CALCOCO2: variants seen among roughly 807,000 people sequenced by gnomAD.
The protein encoded by CALCOCO2 is calcium-binding and coiled-coil domain-containing protein 2.
A neutral mutation model predicts 62.5 loss-of-function variants in CALCOCO2; 42 were observed. The observed-to-expected ratio is 0.67, with a 90% CI of 0.53 to 0.87. The LOEUF (loss-of-function observed/expected upper bound fraction) is 0.87. Among genes scored for constraint, CALCOCO2 ranks in the 40% least tolerant of loss-of-function variants. The probability of loss-of-function intolerance (pLI) is 0.00; values close to 1 mark genes in which losing one functional copy is unlikely to be tolerated. For missense variants in CALCOCO2, 456 were observed against 515.0 expected (o/e 0.89, Z 1.11); for synonymous variants, 167 against 173.0 (o/e 0.97, Z 0.27).
intron 9 of CALCOCO2, 119 bp downstream of exon 9, chr17:48,853,131 G>C: frequency 1.5e-6 from 1 of 670,432 alleles, no homozygotes; most frequent in Admixed American, 2.6e-5. Flanking sequence ...ACCTCTAGAT[G>C]TTTTGCTTTC....
intron 10 of CALCOCO2, among the ~76,000 whole-genome samples, chr17:48,858,697 G>C (rs991826789): frequency 2.6e-5 from 4 of 151,680 alleles, no homozygotes; most frequent in Admixed American, 1.3e-4. Context: ...TTTGATTGTG[G>C]GGGGGGGCAG....
intron 2 of CALCOCO2, among the ~76,000 whole-genome samples, chr17:48,844,255 A>G (rs550003137): frequency 3.5e-4 from 53 of 152,276 alleles, no homozygotes; most frequent in African/African-American, 1.2e-3. Flanking sequence ...AGTGGCTATC[A>G]TTGGTTAATG....
At chr17:48,847,725 G>A (rs909965965) in intron 2 of CALCOCO2, 84 of 170,152 alleles carry the variant, frequency 4.9e-4, no homozygotes, top group East Asian at 3.3e-3. Flanking sequence ...GTGCAATCTC[G>A]GCTCACTGCA....
At chr17:48,833,815 G>A (rs1315787501) in intron 1 of CALCOCO2, among the ~76,000 whole-genome samples, 1 of 152,012 alleles carries the variant, frequency 6.6e-6, no homozygotes, top group Non-Finnish European at 1.5e-5. Context: ...TATCAGTGTA[G>A]TTTGCAGATG....
chr17:48,841,412 A>G (rs497270), intron 1 of CALCOCO2, among the ~76,000 whole-genome samples: 24,659 of 152,124 alleles, frequency 0.16, 2,911 homozygotes, highest in East Asian at 0.68. Flanking sequence ...TAAGTCATTT[A>G]GAGAAAGGGG....
intron 1 of CALCOCO2, among the ~76,000 whole-genome samples, chr17:48,832,851 T>C (rs1282330186): frequency 6.6e-6 from 1 of 152,204 alleles, no homozygotes; most frequent in African/African-American, 2.4e-5. Context: ...AGAACTATTT[T>C]TTCCATCTTC....
Position 48,851,599 on chromosome 17 carries a change from A to G in CALCOCO2, c.673A>G (p.Lys225Glu), listed in dbSNP as rs754678830. 13 of 1,603,702 alleles carry G rather than the reference A, an allele frequency of 8.1e-6. No homozygotes were observed. The East Asian group carries it at 2.9e-4, about 36-fold the overall frequency. Residue 225 changes from lysine to glutamate, a missense_variant, in exon 7 of 13, where the codon AAG (lysine) becomes GAG (glutamate). By Grantham distance (56) the Lys-to-Glu change is moderately conservative. Coordinates refer to ENST00000258947, the MANE Select transcript of CALCOCO2 (RefSeq NM_005831.5). ...QNQKMSSENE[K>E]MGIRVDQLQA... ...CCAGAAGATGTCCTCAGAAAATGAG[A>G]AGATGGGAATCAGAGTGGATCAGCT...
intron 9 of CALCOCO2, 36 bp from the exon 10 acceptor site, chr17:48,856,056 T>G: frequency 2.7e-6 from 3 of 1,122,210 alleles, no homozygotes; most frequent in Non-Finnish European, 4.0e-6. Context: ...GACTGCAATA[T>G]GTGATCCTAA....
At chr17:48,849,465 G>T in intron 5 of CALCOCO2, 88 bp downstream of exon 5, 1 of 1,152,354 alleles carries the variant, frequency 8.7e-7, no homozygotes, top group Non-Finnish European at 1.3e-6. Context: ...TGTTTTGCCT[G>T]TGATCTCACC....
intron 9 of CALCOCO2, chr17:48,855,758 G>C (rs2040205894): frequency 6.1e-6 from 1 of 163,352 alleles, no homozygotes; most frequent in South Asian, 2.0e-4. Context: ...ATGGTTAGGT[G>C]GGATTCAACA....
intron 8 of CALCOCO2, 37 bp from the exon 9 acceptor site, chr17:48,852,889 T>C (rs76906433): frequency 0.019 from 28,790 of 1,494,898 alleles, 357 homozygotes; most frequent in Non-Finnish European, 0.023. Context: ...ATGTGTGTGT[T>C]TTCCCAGCAA....
Position 48,840,746 on chromosome 17 carries a change from C to T in CALCOCO2, c.-10-952C>T, listed in dbSNP as rs560348341. ...TTGAACCCGAGAGCATTTTGCACTTCTTATTCGATTCATTTGGCAGTCATT... is the reference window on the plus strand; with the variant it reads ...TTGAACCCGAGAGCATTTTGCACTTTTTATTCGATTCATTTGGCAGTCATT... On this transcript the variant is annotated intron_variant, in intron 1 of 12. Coordinates refer to ENST00000258947, the MANE Select transcript of CALCOCO2 (RefSeq NM_005831.5). 2.6e-5 allele frequency among the ~76,000 whole-genome samples: 4 copies of T among 152,234 alleles called. No individual in the cohort carries two copies. In the Middle Eastern group the frequency reaches 0.01, roughly 388 times the overall value.
At position 48,849,293 on chromosome 17, in the gene CALCOCO2, C is replaced by T. The variant is rs1446737474; in HGVS notation, c.459C>T (p.Cys153=). The T allele has an allele frequency of 3.7e-6, 6 of 1,613,506 alleles. No individual in the cohort carries two copies. The South Asian group carries it at 5.5e-5, about 15-fold the overall frequency. ...TTGAGCAGCACAACAAGGAGCTTTG[C>T]AAAGAAAACCAGGAGCTGAAGGACA... ...EEIEQHNKEL[C]KENQELKDSC... Residue 153 remains cysteine (C), a synonymous_variant, in exon 5 of 13, where the codon TGC becomes TGT. Coordinates refer to ENST00000258947, the MANE Select transcript of CALCOCO2 (RefSeq NM_005831.5).
intron 9 of CALCOCO2, among the ~76,000 whole-genome samples, chr17:48,853,930 T>C (rs766359973): frequency 1.3e-5 from 2 of 152,152 alleles, no homozygotes; most frequent in Non-Finnish European, 2.9e-5. Context: ...TTGCATTCAG[T>C]TCCTTCGTTT....
intron 2 of CALCOCO2, chr17:48,842,160 T>TTG (rs1380435987): frequency 2.0e-5 from 1 of 49,158 alleles, no homozygotes; most frequent in Non-Finnish European, 3.7e-5. Flanking sequence ...TTTTCTTTTT[T>TTG]TTTTTTTTTT....
chr17:48,838,596 G>A (rs1430715384), intron 1 of CALCOCO2, among the ~76,000 whole-genome samples: 1 of 151,932 alleles, frequency 6.6e-6, no homozygotes, highest in Non-Finnish European at 1.5e-5. Flanking sequence ...CGTCTGTAGT[G>A]CCAGCTACTC....
chr17:48,832,874 C>T (rs988209852), intron 1 of CALCOCO2, among the ~76,000 whole-genome samples: 66 of 152,136 alleles, frequency 4.3e-4, no homozygotes, highest in African/African-American at 1.5e-3. Flanking sequence ...CTAGAACTGG[C>T]GCCAGCACTA....
chr17:48,845,375 G>C (rs1193967201), intron 2 of CALCOCO2, among the ~76,000 whole-genome samples: 5,606 of 28,206 alleles, frequency 0.2, 367 homozygotes, highest in East Asian at 0.38. Context: ...TCCTCACTGT[G>C]TGTGTGTGTG....
intron 1 of CALCOCO2, among the ~76,000 whole-genome samples, chr17:48,836,467 C>A (rs981639861): frequency 3.3e-5 from 5 of 152,168 alleles, no homozygotes; most frequent in African/African-American, 1.2e-4. Flanking sequence ...AAAGCCCCTT[C>A]CTTTTTTACT....
Sources: gnomAD v4.1 joint callset for allele counts (sites outside exome capture counted in the v4.1 genomes callset) on GRCh38, gnomAD v4.1.1 for gene constraint, MANE v1.5 for transcripts, NCBI Gene and HGNC (gene_info 2026-07-23, HGNC 2026-07-21) for gene names.